Variants in UBE2T observed in about 807,000 individuals in gnomAD.
The protein encoded by UBE2T is ubiquitin conjugating enzyme E2 T, also known as ubiquitin-conjugating enzyme E2 T.
Under a neutral mutation model 23.3 loss-of-function variants are expected in UBE2T, and 15 were observed. The ratio of observed to expected loss-of-function variants is 0.64; its 90% CI spans 0.43 to 0.99. UBE2T has a LOEUF of 0.99. Ranked by LOEUF, UBE2T falls within the 50% of genes least tolerant of loss-of-function variation. UBE2T has a pLI of 0.00. For synonymous variants in UBE2T, 67 were observed against 78.4 expected, an observed-to-expected ratio of 0.85 and a Z score of 0.77; for missense variants, 197 against 234.9, an observed-to-expected ratio of 0.84 and a Z score of 1.05.
intron 1 of UBE2T, among the ~76,000 whole-genome samples, chr1:202,338,933 T>G (rs1251227147): frequency 6.6e-6 from 1 of 152,032 alleles, no homozygotes; most frequent in African/African-American, 2.4e-5. Flanking sequence ...GTTGGCATTC[T>G]TGTCAGATTT....
At chr1:202,341,234 A>T (rs191765941) in intron 1 of UBE2T, among the ~76,000 whole-genome samples, 66 of 152,232 alleles carry the variant, frequency 4.3e-4, no homozygotes, top group African/African-American at 1.6e-3. Flanking sequence ...GTCTGCAGTA[A>T]ATTTGGATAA....
At chr1:202,338,693 T>C (rs1439150372) in intron 1 of UBE2T, among the ~76,000 whole-genome samples, 1 of 152,084 alleles carries the variant, frequency 6.6e-6, no homozygotes, top group Admixed American at 6.6e-5. Flanking sequence ...CAGTAACTTC[T>C]AGTACAATGT....
chr1:202,332,942 A>T lies in UBE2T; in HGVS notation c.468+68T>A, dbSNP rs917973752. 1.1e-4 allele frequency: 27 copies of T among 236,808 alleles called. No individual in the cohort carries two copies. In the South Asian group the frequency reaches 1.8e-3, roughly 16 times the overall value. The allele number at this position is 236,808 out of a possible 1,614,324, so 14.7% of individuals were successfully genotyped here. ...AAAAAAAAAAAAAAAAAAAAAAAAC[A>T]TTATTTATACATATATACTTTATAC... On this transcript the variant is annotated intron_variant, in intron 6 of 6. Transcript: ENST00000646651.
chr1:202,339,952 G>A (rs908660779), intron 1 of UBE2T, among the ~76,000 whole-genome samples: 4 of 152,200 alleles, frequency 2.6e-5, no homozygotes, highest in African/African-American at 9.6e-5. Flanking sequence ...GCTCACGCCT[G>A]TAATCCCAGC....
rs747578295 is a variant in UBE2T, at chr1:202,335,608, G to A, written c.109+38C>T. On this transcript the variant is annotated intron_variant, in intron 2 of 6. Transcript: ENST00000646651. The surrounding 1 kb of genome is among the most constrained non-coding windows in gnomAD (Gnocchi z 4.0). ...TTTATTTCAGCACAATCTTCAATAG[G>A]GTCATGACTTTCATCATATACATGA... 4.4e-6 allele frequency: 7 copies of A among 1,578,468 alleles called. No individual in the cohort carries two copies. The South Asian group carries it at 7.8e-5, about 17-fold the overall frequency.
chr1:202,337,099 C>T (rs376602977), intron 1 of UBE2T, among the ~76,000 whole-genome samples: 5 of 152,264 alleles, frequency 3.3e-5, no homozygotes, highest in South Asian at 4.2e-4. Flanking sequence ...CCCGCCACCA[C>T]GCCCGGCTAC....
Position 202,333,024 on chromosome 1 carries a change from T to C in UBE2T, c.454A>G (p.Arg152Gly), listed in dbSNP as rs201136359. Residue 152 changes from arginine to glycine, a missense_variant, in exon 6 of 7, where the codon AGA (arginine) becomes GGA (glycine). By Grantham distance (125) the Arg-to-Gly change is moderately radical. Transcript: ENST00000646651. ...NARQWTEKHA[R>G]QKQKADEEEM... The stretch of plus-strand genomic sequence containing the variant: ...AAACATTATACCTTTTGTTTCTGTC[T>C]TGCATGCTTCTCTGTCCACTGTCTG... 106 of 1,612,654 alleles carry C rather than the reference T, an allele frequency of 6.6e-5. No individual in the cohort carries two copies. Among genetic ancestry groups the C allele is most frequent in the Non-Finnish European group, 8.5e-5 (100 of 1,179,272 alleles).
chr1:202,335,290 G>A lies in UBE2T; in HGVS notation c.110-232C>T. ...AAATCTAAAGCAGAAGTTGCAAAATGCTGGCCACAAGACCAAATACAACCT... is the reference window on the plus strand; with the variant it reads ...AAATCTAAAGCAGAAGTTGCAAAATACTGGCCACAAGACCAAATACAACCT... On this transcript the variant is annotated intron_variant, in intron 2 of 6. Transcript: ENST00000646651. This position sits in a 1 kb window ranked among gnomAD's most constrained non-coding sequence, Gnocchi z 4.0. 1.8e-6 allele frequency: 1 copy of A among 557,132 alleles called. No individual in the cohort carries two copies. The highest frequency in any genetic ancestry group is 3.2e-6 in the Non-Finnish European group (1 of 314,132). 34.5% of individuals were successfully genotyped at this position (557,132 alleles called of 1,614,324 possible).
chr1:202,340,553 A>G (rs1471499218), intron 1 of UBE2T, among the ~76,000 whole-genome samples: 1 of 152,036 alleles, frequency 6.6e-6, no homozygotes, highest in South Asian at 2.1e-4. Flanking sequence ...CCTGTGCAAC[A>G]AAGGATATCC....
In UBE2T at chr1:202,331,982, A is replaced by G. The variant is rs1444521825; in HGVS notation, c.469-22T>C. 4 of 1,613,438 alleles carry G rather than the reference A, an allele frequency of 2.5e-6. No individual in the cohort carries two copies. In the East Asian group the frequency reaches 8.9e-5, roughly 36 times the overall value. On this transcript the variant is annotated intron_variant, in intron 6 of 6. Coordinates refer to ENST00000646651, the MANE Select transcript of UBE2T (RefSeq NM_014176.4). ...CAGCCTAAAGAGGAGACAGGGTGAAACACAGTAAGGTTCACACAAATGCCA... is the reference window on the plus strand; with the variant it reads ...CAGCCTAAAGAGGAGACAGGGTGAAGCACAGTAAGGTTCACACAAATGCCA...
chr1:202,337,271 C>A (rs970005597), intron 1 of UBE2T, among the ~76,000 whole-genome samples: 2 of 152,124 alleles, frequency 1.3e-5, no homozygotes, highest in Non-Finnish European at 2.9e-5. Context: ...TTACAAATAT[C>A]CCCCAGTTTG....
intron 1 of UBE2T, among the ~76,000 whole-genome samples, chr1:202,337,089 C>T (rs1040789548): frequency 1.3e-5 from 2 of 152,088 alleles, no homozygotes; most frequent in Non-Finnish European, 2.9e-5. Flanking sequence ...ATTACAGACG[C>T]CCGCCACCAC....
Position 202,333,105 on chromosome 1 carries a change from T to C in UBE2T, c.385-12A>G. On this transcript the variant is annotated splice_polypyrimidine_tract_variant and intron_variant, in intron 5 of 6. Transcript: ENST00000646651. ...TTAAATTCTGAGGACTGAGATGAAA[T>C]CAAAGAAAAGAGTTAATGGAGAAAA... 6.2e-7 allele frequency: 1 copy of C among 1,612,040 alleles called. No individual in the cohort carries two copies.
rs1654815925 is a variant in UBE2T, at chr1:202,333,554, A to C, written c.181T>G (p.Tyr61Asp). 6.2e-7 allele frequency: 1 copy of C among 1,611,392 alleles called. No homozygotes were observed. The highest frequency in any genetic ancestry group is 8.5e-7 in the Non-Finnish European group (1 of 1,178,250). The change falls in exon 4 of 7, where the codon TAC becomes GAC. Residue 61 changes from tyrosine to aspartate, a missense_variant and splice_region_variant. Tyr to Asp is a radical substitution (Grantham distance 160). Coordinates refer to ENST00000646651, the MANE Select transcript of UBE2T (RefSeq NM_014176.4). ...CGGATCTGAGGAGGTTCAAATGGGT[A>C]CCTATGAAAGAATAAGACAACAGAT... ...FKLEVIIPER[Y>D]PFEPPQIRFL...
chr1:202,339,077 CTTTTT>C (rs35528865), intron 1 of UBE2T, among the ~76,000 whole-genome samples: 2 of 107,854 alleles, frequency 1.9e-5, no homozygotes, highest in African/African-American at 7.6e-5. Context: ...GTATTGCCTC[CTTTTT>C]TTTTTTTTTT....
intron 6 of UBE2T, among the ~76,000 whole-genome samples, chr1:202,332,704 C>G (rs1190278616): frequency 2.0e-5 from 3 of 151,024 alleles, no homozygotes; most frequent in Non-Finnish European, 4.4e-5. Flanking sequence ...GTCAGGAGAT[C>G]GAGACCATCC....
chr1:202,332,379 T>C lies in UBE2T; in HGVS notation c.469-419A>G, dbSNP rs529102718. Among the ~76,000 whole-genome samples the C allele has an allele frequency of 5.3e-4, 80 of 152,266 alleles. 1 individual carries two copies. The highest frequency in any genetic ancestry group is 3.4e-3 in the Middle Eastern group (1 of 294). On this transcript the variant is annotated intron_variant, in intron 6 of 6. Coordinates refer to ENST00000646651, the MANE Select transcript of UBE2T (RefSeq NM_014176.4). ...TTCTTCTCAGTGTTAAAAGGACAAC[T>C]TAGAAAAAAAGAATCTGAGACACCA...
chr1:202,341,690 A>G (rs1440972372), intron 1 of UBE2T, among the ~76,000 whole-genome samples: 1 of 149,334 alleles, frequency 6.7e-6, no homozygotes, highest in Non-Finnish European at 1.5e-5. Flanking sequence ...TGGCAGGAGG[A>G]CGGCTCGGGG....
intron 1 of UBE2T, among the ~76,000 whole-genome samples, chr1:202,336,725 TACAA>T (rs1419542468): frequency 6.6e-6 from 1 of 152,154 alleles, no homozygotes; most frequent in African/African-American, 2.4e-5. Context: ...CATTCTCAGG[TACAA>T]ACAAATGTTA....
Sources: gnomAD v4.1 joint callset for allele counts (sites outside exome capture counted in the v4.1 genomes callset) on GRCh38, gnomAD v4.1.1 for gene constraint, Gnocchi (gnomAD v3.1) non-coding constraint, MANE v1.5 for transcripts, NCBI Gene and HGNC (gene_info 2026-07-23, HGNC 2026-07-21) for gene names.